UBTD1: variants seen among roughly 807,000 people sequenced by gnomAD.
The protein encoded by UBTD1 is ubiquitin domain containing 1, also known as ubiquitin domain-containing protein 1.
A neutral mutation model predicts 21.7 loss-of-function variants in UBTD1; 19 were observed. The ratio of observed to expected loss-of-function variants is 0.87; its 90% CI spans 0.61 to 1.28. The LOEUF is 1.28. Among genes scored for constraint, UBTD1 ranks in the 50% most tolerant of loss-of-function variants. The pLI, the probability that UBTD1 is intolerant of heterozygous loss-of-function variation, is 0.00. For synonymous variants in UBTD1, 116 were observed against 135.1 expected (o/e 0.86, Z 0.98); for missense variants, 282 against 315.1 (o/e 0.89, Z 0.80).
intron 1 of UBTD1, among the ~76,000 whole-genome samples, chr10:97,501,123 C>A (rs553809887): frequency 6.6e-6 from 1 of 152,326 alleles, no homozygotes; most frequent in East Asian, 1.9e-4. Flanking sequence ...CCTTGCCACC[C>A]TACTTTGTAC....
intron 1 of UBTD1, among the ~76,000 whole-genome samples, chr10:97,563,805 G>T (rs1298102562): frequency 4.6e-5 from 7 of 152,142 alleles, no homozygotes; most frequent in Admixed American, 4.6e-4. Context: ...TGGGTGGGGG[G>T]TGACTGAATA....
At chr10:97,545,677 G>T (rs2040607668) in intron 1 of UBTD1, among the ~76,000 whole-genome samples, 1 of 152,184 alleles carries the variant, frequency 6.6e-6, no homozygotes, top group African/African-American at 2.4e-5. Flanking sequence ...TTTGCCCAAG[G>T]TCACTTAGCG....
intron 1 of UBTD1, among the ~76,000 whole-genome samples, chr10:97,528,507 C>T (rs1389300450): frequency 2.4e-5 from 2 of 84,700 alleles, no homozygotes; most frequent in Non-Finnish European, 4.9e-5. Flanking sequence ...CCGGACGGGG[C>T]GGCTGGCCGG....
chr10:97,555,330 A>G (rs1307532029), intron 1 of UBTD1, among the ~76,000 whole-genome samples: 2 of 152,208 alleles, frequency 1.3e-5, no homozygotes, highest in African/African-American at 4.8e-5. Flanking sequence ...AAATATCTAG[A>G]TGAAATTGTA....
At chr10:97,513,850 T>G (rs547852705) in intron 1 of UBTD1, among the ~76,000 whole-genome samples, 1 of 152,166 alleles carries the variant, frequency 6.6e-6, no homozygotes, top group Admixed American at 6.5e-5. Flanking sequence ...TACCTAAGAC[T>G]ACAGGTGCGG....
At chr10:97,528,036 G>T (rs1176934245) in intron 1 of UBTD1, among the ~76,000 whole-genome samples, 1 of 148,634 alleles carries the variant, frequency 6.7e-6, no homozygotes. Context: ...GGGCAGAGGC[G>T]CCCCTCACCT....
intron 1 of UBTD1, among the ~76,000 whole-genome samples, chr10:97,530,243 A>G (rs1333460686): frequency 3.3e-5 from 5 of 152,128 alleles, no homozygotes; most frequent in Admixed American, 2.0e-4. Flanking sequence ...TGAATCGATG[A>G]ATGAATGAAG....
chr10:97,568,030 G>T lies in UBTD1; in HGVS notation c.187G>T (p.Gly63Cys). The T allele has an allele frequency of 6.2e-7, 1 of 1,614,046 alleles. No homozygotes were observed. Among genetic ancestry groups the T allele is most frequent in the Non-Finnish European group, 8.5e-7 (1 of 1,180,040 alleles). The stretch of plus-strand genomic sequence containing the variant: ...CTGGGACACAGCGCCTGCCTTCGAG[G>T]GCCGCAAGGAGATCTGGGATGCCCT... ...EFWDTAPAFE[G>C]RKEIWDALKA... Residue 63 changes from glycine to cysteine, a missense_variant, in exon 2 of 3, where the codon GGC becomes TGC. Gly to Cys is a radical substitution (Grantham distance 159, BLOSUM62 -3). Coordinates refer to ENST00000370664, the MANE Select transcript of UBTD1 (RefSeq NM_024954.5).
At chr10:97,520,286 C>A (rs1037592462) in intron 1 of UBTD1, among the ~76,000 whole-genome samples, 1 of 152,070 alleles carries the variant, frequency 6.6e-6, no homozygotes, top group Non-Finnish European at 1.5e-5. Context: ...GGTGGCTGAC[C>A]CAATGGCTTT....
intron 1 of UBTD1, among the ~76,000 whole-genome samples, chr10:97,549,913 C>G (rs1295570256): frequency 1.3e-5 from 2 of 152,210 alleles, no homozygotes; most frequent in Non-Finnish European, 2.9e-5. Context: ...CACCACACCC[C>G]CTGGCTCCCC....
intron 1 of UBTD1, among the ~76,000 whole-genome samples, chr10:97,508,577 G>C (rs760534543): frequency 1.2e-4 from 19 of 152,244 alleles, no homozygotes; most frequent in Non-Finnish European, 2.5e-4. Context: ...TGTGAGCCCT[G>C]ACCAGCTCCC....
intron 1 of UBTD1, among the ~76,000 whole-genome samples, chr10:97,543,055 G>A (rs1425725162): frequency 6.6e-6 from 1 of 152,250 alleles, no homozygotes; most frequent in Non-Finnish European, 1.5e-5. Flanking sequence ...TGTTTTTGGT[G>A]GACCACACTG....
At chr10:97,531,530 C>T (rs1211299597) in intron 1 of UBTD1, among the ~76,000 whole-genome samples, 2 of 152,166 alleles carry the variant, frequency 1.3e-5, no homozygotes, top group African/African-American at 2.4e-5. Flanking sequence ...GAATTCCAAG[C>T]GTGAGTCACC....
intron 1 of UBTD1, among the ~76,000 whole-genome samples, chr10:97,517,509 G>A (rs1034957245): frequency 2.0e-5 from 3 of 152,160 alleles, no homozygotes; most frequent in Non-Finnish European, 2.9e-5. Flanking sequence ...TCCCCTTGCC[G>A]AGGTGTGGGG....
chr10:97,526,449 C>T (rs1450603064), intron 1 of UBTD1, among the ~76,000 whole-genome samples: 1 of 152,132 alleles, frequency 6.6e-6, no homozygotes, highest in Admixed American at 6.5e-5. Flanking sequence ...CATCTCCATC[C>T]CACTAAAACT....
chr10:97,522,463 G>C (rs1261938944), intron 1 of UBTD1, among the ~76,000 whole-genome samples: 1 of 152,194 alleles, frequency 6.6e-6, no homozygotes, highest in Non-Finnish European at 1.5e-5. Context: ...TTTAGGTAAA[G>C]TTTTCCTGTT....
At chr10:97,530,051 C>T (rs1486288833) in intron 1 of UBTD1, among the ~76,000 whole-genome samples, 1 of 152,168 alleles carries the variant, frequency 6.6e-6, no homozygotes, top group Non-Finnish European at 1.5e-5. Flanking sequence ...CTGTGCATAT[C>T]ACTCCCCTTG....
intron 1 of UBTD1, among the ~76,000 whole-genome samples, chr10:97,506,869 T>C (rs1031385192): frequency 2.0e-5 from 3 of 152,224 alleles, no homozygotes; most frequent in African/African-American, 7.2e-5. Context: ...TAATATTCCA[T>C]TGTATGTATA....
At chr10:97,503,177 A>C (rs199932052) in intron 1 of UBTD1, among the ~76,000 whole-genome samples, 2 of 152,196 alleles carry the variant, frequency 1.3e-5, no homozygotes, top group East Asian at 3.8e-4. Flanking sequence ...TGGCTTCCGA[A>C]AGTGCTGGGA....
Sources: gnomAD v4.1 joint callset for allele counts (sites outside exome capture counted in the v4.1 genomes callset) on GRCh38, gnomAD v4.1.1 for gene constraint, MANE v1.5 for transcripts, NCBI Gene and HGNC (gene_info 2026-07-23, HGNC 2026-07-21) for gene names.